MESD: variants seen among roughly 807,000 people sequenced by gnomAD.
MESD encodes mesoderm development LRP chaperone.
MESD carries 7 observed loss-of-function variants against 12.9 expected under a neutral mutation model. That is an observed-to-expected ratio of 0.54 (90% confidence interval 0.31 to 1.02). MESD has a LOEUF of 1.02. MESD is among the 50% of genes least tolerant of loss of function. MESD has a pLI of 0.05. For missense variants in MESD, 342 were observed against 296.7 expected, an observed-to-expected ratio of 1.15 and a Z score of -1.12; for synonymous variants, 126 against 115.6, an observed-to-expected ratio of 1.09 and a Z score of -0.58.
chr15:80,955,808 G>A (rs1901969998), intron 3 of MESD, among the ~76,000 whole-genome samples: 1 of 151,756 alleles, frequency 6.6e-6, no homozygotes, highest in Admixed American at 6.6e-5. Flanking sequence ...TTTTAGTAGA[G>A]ACGGGTTTTC....
At chr15:80,988,369 G>A (rs1426898393) in intron 1 of MESD, among the ~76,000 whole-genome samples, 1 of 152,182 alleles carries the variant, frequency 6.6e-6, no homozygotes, top group Non-Finnish European at 1.5e-5. Context: ...TGCAATCTTT[G>A]TTCATCTCTT....
At chr15:80,970,020 A>G (rs909903594) in intron 3 of MESD, among the ~76,000 whole-genome samples, 3 of 152,346 alleles carry the variant, frequency 2.0e-5, no homozygotes, top group African/African-American at 7.2e-5. Context: ...TAATATTACT[A>G]GAACAGTACA....
At chr15:80,968,765 T>C (rs73507438) in intron 3 of MESD, among the ~76,000 whole-genome samples, 2,155 of 152,268 alleles carry the variant, frequency 0.014, 51 homozygotes, top group African/African-American at 0.049. Flanking sequence ...CTTAGATGAG[T>C]GAGGTCCTTA....
rs144984591 is a variant in MESD, at chr15:80,968,098, C to T, written c.*288+10833G>A. Among the ~76,000 whole-genome samples, 242 of 152,370 alleles carry T rather than the reference C, an allele frequency of 1.6e-3. 1 individual carries two copies. Among genetic ancestry groups the T allele is most frequent in the African/African-American group, 4.6e-3 (190 of 41,598 alleles). Reference sequence around the variant, plus strand: ...AGCAGCATGGTCAAACTGCAGTCTCCTGCAGACCGCTTGGACTCTGGCAGC... The same window carrying T: ...AGCAGCATGGTCAAACTGCAGTCTCTTGCAGACCGCTTGGACTCTGGCAGC... On this transcript the variant is annotated intron_variant, in intron 3 of 4. Coordinates refer to the MESD transcript ENST00000561312.
exon 5 of MESD, chr15:80,947,594 TGGA>T: frequency 6.3e-6 from 1 of 157,780 alleles, no homozygotes; most frequent in Non-Finnish European, 1.4e-5. Context: ...CTGGCTGTGC[TGGA>T]AGAAGCCATC....
intron 3 of MESD, among the ~76,000 whole-genome samples, chr15:80,966,138 A>T (rs1311674087): frequency 6.6e-6 from 1 of 152,220 alleles, no homozygotes; most frequent in Non-Finnish European, 1.5e-5. Context: ...TTTGAAAGTT[A>T]GAAATAACCA....
In MESD at chr15:80,976,633, T is replaced by C. The variant is rs959264502; in HGVS notation, c.*2586A>G. The stretch of plus-strand genomic sequence containing the variant: ...AGATCTATTGTTGGCAAGGGTAAGC[T>C]GACTAAACCACTTGGGAGGGCAATT... On this transcript the variant is annotated 3_prime_UTR_variant, in exon 3 of 3. Coordinates refer to ENST00000261758, the MANE Select transcript of MESD (RefSeq NM_015154.3). The C allele has an allele frequency of 2.0e-5, 3 of 152,194 alleles. No individual in the cohort carries two copies. The highest frequency in any genetic ancestry group is 4.4e-5 in the Non-Finnish European group (3 of 68,036). 9.4% of individuals were successfully genotyped at this position (152,194 alleles called of 1,614,324 possible).
intron 1 of MESD, 115 bp from the exon 2 acceptor site, chr15:80,982,297 T>C: frequency 1.3e-6 from 1 of 795,186 alleles, no homozygotes; most frequent in Admixed American, 2.6e-5. Flanking sequence ...AATTACAACA[T>C]AAAAAGGAAA....
chr15:80,979,507 A>T (rs774903584), intron 2 of MESD, 30 bp from the exon 3 acceptor site: 7 of 1,607,920 alleles, frequency 4.4e-6, no homozygotes, highest in Non-Finnish European at 4.3e-6. Context: ...TCAGTCAGCC[A>T]GCACGTACTA....
rs35658430 is a variant in MESD, at chr15:80,982,065, CT to C, written c.330del (p.Lys112ArgfsTer4). The C allele has an allele frequency of 6.2e-7, 1 of 1,613,956 alleles. No homozygotes were observed. The highest frequency in any genetic ancestry group is 1.7e-5 in the Admixed American group (1 of 59,990). On this transcript the variant is annotated frameshift_variant, in exon 2 of 3. Coordinates refer to ENST00000261758, the MANE Select transcript of MESD (RefSeq NM_015154.3). LOFTEE classifies it high-confidence loss of function. The stretch of plus-strand genomic sequence containing the variant: ...GTGACAAACATCATGAGAGTCTTCC[CT>C]TTTTTCGTCATTTTCAATATGCTTT... Reference protein sequence around the residue: ...KPESILKMTKKGKTLMMFVTV... With the variant: ...KPESILKMTKXGKTLMMFVTV...
intron 1 of MESD, among the ~76,000 whole-genome samples, chr15:80,984,760 A>G (rs1399552835): frequency 1.9e-4 from 29 of 152,366 alleles, no homozygotes. Context: ...TTGAATCTCA[A>G]TAAACCTGTT....
In MESD at chr15:80,986,578, T is replaced by C. The variant is rs143766024; in HGVS notation, c.213+3001A>G. ...TGAAGTGTAAAAATAGTACCCTAGA[T>C]GTACATAATTATCCAGTTCTACCCT... On this transcript the variant is annotated intron_variant, in intron 1 of 2. Transcript: ENST00000261758. Among the ~76,000 whole-genome samples the C allele has an allele frequency of 8.0e-3, 1,218 of 152,338 alleles. 19 individuals are homozygous for C. Among genetic ancestry groups the C allele is most frequent in the African/African-American group, 0.027 (1,140 of 41,560 alleles).
At chr15:80,953,459 C>T (rs1901893980) in intron 3 of MESD, among the ~76,000 whole-genome samples, 1 of 152,054 alleles carries the variant, frequency 6.6e-6, no homozygotes, top group Non-Finnish European at 1.5e-5. Context: ...TTCATTTGTC[C>T]CTGCAATAGT....
At chr15:80,967,370 G>A (rs759279109) in intron 3 of MESD, among the ~76,000 whole-genome samples, 3 of 152,158 alleles carry the variant, frequency 2.0e-5, no homozygotes, top group Non-Finnish European at 2.9e-5. Context: ...GGACCTCAGA[G>A]AATTTGTAAG....
chr15:80,981,934 G>T lies in MESD; in HGVS notation c.446+16C>A. On this transcript the variant is annotated intron_variant, in intron 2 of 2. Coordinates refer to ENST00000261758, the MANE Select transcript of MESD (RefSeq NM_015154.3). ...GCACAGCCTATGAGTCTCTCAGCTGGTTGTTGCTGCTTTACCTCTGGACGT... is the reference window on the plus strand; with the variant it reads ...GCACAGCCTATGAGTCTCTCAGCTGTTTGTTGCTGCTTTACCTCTGGACGT... 1 of 1,550,026 alleles carries T rather than the reference G, an allele frequency of 6.5e-7. No individual in the cohort carries two copies. The highest frequency in any genetic ancestry group is 8.9e-7 in the Non-Finnish European group (1 of 1,121,980).
intron 3 of MESD, among the ~76,000 whole-genome samples, chr15:80,962,594 C>T (rs1902107225): frequency 6.6e-6 from 1 of 152,140 alleles, no homozygotes; most frequent in African/African-American, 2.4e-5. Flanking sequence ...GGAAGTAAAA[C>T]ACTCCTCAGC....
intron 3 of MESD, among the ~76,000 whole-genome samples, chr15:80,954,114 C>T (rs537391169): frequency 6.6e-6 from 1 of 152,286 alleles, no homozygotes; most frequent in Admixed American, 6.5e-5. Flanking sequence ...TTGGCCCACG[C>T]CTACTCATGT....
intron 3 of MESD, among the ~76,000 whole-genome samples, chr15:80,954,077 A>C (rs1901911555): frequency 6.6e-6 from 1 of 151,940 alleles, no homozygotes; most frequent in South Asian, 2.1e-4. Context: ...AGATGACCTG[A>C]CCCACCCTGC....
rs201439161 is a variant in MESD at position 80,989,669 on chromosome 15, G to A, written c.123C>T (p.Pro41=). 6.2e-7 allele frequency: 1 copy of A among 1,613,376 alleles called. No individual in the cohort carries two copies. Among genetic ancestry groups the A allele is most frequent in the Non-Finnish European group, 8.5e-7 (1 of 1,179,980 alleles). The part of the protein sequence containing the change: ...SCAAEGSPGT[P]DESTPPPRKK... ...TCCGGGGAGGTGGGGTAGACTCGTC[G>A]GGCGTCCCGGGCGAGCCTTCGGCCG... The change falls in exon 1 of 3, where the codon CCC becomes CCT. Residue 41 remains proline (P), a synonymous_variant. Coordinates refer to ENST00000261758, the MANE Select transcript of MESD (RefSeq NM_015154.3).
Sources: gnomAD v4.1 joint callset for allele counts (sites outside exome capture counted in the v4.1 genomes callset) on GRCh38, gnomAD v4.1.1 for gene constraint, MANE v1.5 for transcripts, NCBI Gene and HGNC (gene_info 2026-07-23, HGNC 2026-07-21) for gene names.